The following PATL1 variants were observed in gnomAD, a reference collection of about 807,000 sequenced individuals.
PATL1 encodes the protein PAT1 homolog 1, processing body mRNA decay factor, also known as protein PAT1 homolog 1.
In PATL1, 32 loss-of-function variants were observed where a neutral mutation model predicts 100.6. That is an observed-to-expected ratio of 0.32 (90% CI 0.24 to 0.43). The LOEUF (loss-of-function observed/expected upper bound fraction) is 0.43. Ranked by LOEUF, PATL1 falls within the 20% of genes least tolerant of loss-of-function variation. PATL1 has a pLI of 1.00. For synonymous variants in PATL1, 332 were observed against 330.0 expected (o/e 1.01, Z -0.07); for missense variants, 747 against 949.9 (o/e 0.79, Z 2.81).
intron 18 of PATL1, 112 bp downstream of exon 18, chr11:59,638,936 G>A: frequency 5.8e-6 from 7 of 1,206,954 alleles, no homozygotes; most frequent in Non-Finnish European, 8.1e-6. Flanking sequence ...ACCCTCCTGG[G>A]TGTCCTAAAA....
At chr11:59,660,383 A>T (rs1861611097) in intron 2 of PATL1, among the ~76,000 whole-genome samples, 1 of 152,234 alleles carries the variant, frequency 6.6e-6, no homozygotes, top group South Asian at 2.1e-4. Context: ...TAATGATTAG[A>T]TACTATACCA....
In PATL1 at chr11:59,656,516, G is replaced by C. The variant is rs557109291; in HGVS notation, c.706C>G (p.Gln236Glu). Residue 236 changes from glutamine (Q) to glutamate (E), a missense_variant, in exon 6 of 19, where the codon CAG becomes GAG. Transcript: ENST00000300146. ...TGACATACCGGGACACTGCAGAGCTGGTTTGGAGACATCCTCTCACCATAG... is the reference window on the plus strand; with the variant it reads ...TGACATACCGGGACACTGCAGAGCTCGTTTGGAGACATCCTCTCACCATAG... Reference protein sequence around the residue: ...APYGERMSPNQLCSVPNSSLL... With the variant: ...APYGERMSPNELCSVPNSSLL... 6.2e-7 allele frequency: 1 copy of C among 1,613,826 alleles called. No homozygotes were observed. The highest frequency in any genetic ancestry group is 1.1e-5 in the South Asian group (1 of 91,064).
rs183170297 is a variant in PATL1 at position 59,655,938 on chromosome 11, G to A, written c.813+18C>T. 5 of 1,551,124 alleles carry A rather than the reference G, an allele frequency of 3.2e-6. No individual in the cohort carries two copies. In the East Asian group the frequency reaches 1.2e-4, roughly 36 times the overall value. ...AAGTAGGAGAGTTCTTTATGGGTAG[G>A]GCTAATCACAGGCTTACCTGTGCTC... On this transcript the variant is annotated intron_variant, in intron 7 of 18. Coordinates refer to ENST00000300146, the MANE Select transcript of PATL1 (RefSeq NM_152716.3).
chr11:59,643,868 T>C (rs1268813381), intron 15 of PATL1, among the ~76,000 whole-genome samples: 2 of 152,216 alleles, frequency 1.3e-5, no homozygotes, highest in Non-Finnish European at 2.9e-5. Context: ...CCAAGGCTGT[T>C]GAATTCCAGC....
intron 15 of PATL1, among the ~76,000 whole-genome samples, chr11:59,644,325 T>C (rs1861330706): frequency 6.6e-6 from 1 of 151,900 alleles, no homozygotes; most frequent in African/African-American, 2.4e-5. Flanking sequence ...ATAATTTTTC[T>C]TCATAGACCA....
Position 59,652,451 on chromosome 11 carries a change from A to G in PATL1, c.1426+13T>C. Reference sequence around the variant, plus strand: ...TTCTTTTATTATGGGCATTTTTCTTATGAGGACCTTACCTGGCTTATAGGC... The same window carrying G: ...TTCTTTTATTATGGGCATTTTTCTTGTGAGGACCTTACCTGGCTTATAGGC... On this transcript the variant is annotated intron_variant, in intron 11 of 18. Transcript: ENST00000300146. 1 of 1,595,540 alleles carries G rather than the reference A, an allele frequency of 6.3e-7. No individual in the cohort carries two copies. Among genetic ancestry groups the G allele is most frequent in the African/African-American group, 1.4e-5 (1 of 73,696 alleles).
At chr11:59,661,383 G>A (rs919110524) in intron 2 of PATL1, among the ~76,000 whole-genome samples, 1 of 151,992 alleles carries the variant, frequency 6.6e-6, no homozygotes. Context: ...ACTGCCTCTG[G>A]CCTTTCTTTT....
intron 14 of PATL1, among the ~76,000 whole-genome samples, chr11:59,648,515 TAAAAAAA>T (rs72322672): frequency 4.6e-5 from 6 of 130,188 alleles, no homozygotes; most frequent in Non-Finnish European, 1.7e-5. Context: ...AGCAACAGCT[TAAAAAAA>T]AAAAAAAGAA....
At chr11:59,646,610 A>C (rs1344320211) in intron 15 of PATL1, among the ~76,000 whole-genome samples, 1 of 152,222 alleles carries the variant, frequency 6.6e-6, no homozygotes, top group Non-Finnish European at 1.5e-5. Context: ...TTTCCCTTTC[A>C]TAGCATACCA....
At chr11:59,644,084 A>G (rs1861327129) in intron 15 of PATL1, among the ~76,000 whole-genome samples, 1 of 152,228 alleles carries the variant, frequency 6.6e-6, no homozygotes, top group Admixed American at 6.5e-5. Flanking sequence ...GGTCTACTAT[A>G]AATTAAAAAA....
At position 59,658,781 on chromosome 11, in the gene PATL1, A is replaced by G. The variant is rs1249461641; in HGVS notation, c.426+85T>C. The G allele has an allele frequency of 3.0e-6, 3 of 992,850 alleles. No homozygotes were observed. In the Admixed American group the frequency reaches 7.5e-5, roughly 25 times the overall value. 61.5% of individuals were successfully genotyped at this position (992,850 alleles called of 1,614,324 possible). On this transcript the variant is annotated intron_variant, in intron 4 of 18. Coordinates refer to ENST00000300146, the MANE Select transcript of PATL1 (RefSeq NM_152716.3). ...ATTCTAGCAAATGAAAGACCTATAA[A>G]CCCCTTCAGTAAGGAAAGGATGACG...
intron 2 of PATL1, among the ~76,000 whole-genome samples, chr11:59,662,056 C>CTA (rs1861633029): frequency 6.6e-6 from 1 of 152,056 alleles, no homozygotes; most frequent in Non-Finnish European, 1.5e-5. Context: ...TTAAAATTTG[C>CTA]TATATATATG....
chr11:59,650,127 G>GAAAAAAAAAAAAAAAAAAA (rs755879524), intron 13 of PATL1, among the ~76,000 whole-genome samples: 1 of 61,636 alleles, frequency 1.6e-5, no homozygotes, highest in East Asian at 6.1e-4. Context: ...ATCTCAAAAG[G>GAAAAAAAAAAAAAAAAAAA]AAAAAAAAAA....
rs1372167973 is a variant in PATL1 at position 59,666,936 on chromosome 11, T to C, written c.44A>G (p.Asp15Gly). 1.9e-6 allele frequency: 3 copies of C among 1,550,402 alleles called. No individual in the cohort carries two copies. Among genetic ancestry groups the C allele is most frequent in the Admixed American group, 2.0e-5 (1 of 50,962 alleles). ...ESLEDCPLDE[D>G]EDAFQGLGEE... ...TCCCAGTCCCTGAAATGCATCTTCA[T>C]CTTCATCCAGAGGACAATCCTCCAA... Residue 15 changes from aspartate (D) to glycine (G), a missense_variant, in exon 2 of 19, where the codon GAT (aspartate) becomes GGT (glycine). Physicochemically the swap from Asp to Gly is moderately conservative, Grantham distance 94 (BLOSUM62 -1). Around this residue, in one of 4 missense-constraint regions of PATL1, gnomAD observed 183 missense variants for 221.2 expected, o/e 0.83. Transcript: ENST00000300146.
rs899397626 is a variant in PATL1, at chr11:59,659,502, T to C, written c.128-33A>G. 11 of 1,520,616 alleles carry C rather than the reference T, an allele frequency of 7.2e-6. No homozygotes were observed. In the Admixed American group the frequency reaches 8.5e-5, roughly 12 times the overall value. The allele number at this position is 1,520,616 out of a possible 1,614,324, so 94.2% of individuals were successfully genotyped here. ...ATGACACAGTTCATGTAAGAAATAG[T>C]TCATAGTGGTACAAAAAAGTTTTAC... On this transcript the variant is annotated intron_variant, in intron 2 of 18. Coordinates refer to ENST00000300146, the MANE Select transcript of PATL1 (RefSeq NM_152716.3).
At position 59,666,946 on chromosome 11, in the gene PATL1, G is replaced by A. The variant is rs1371536115; in HGVS notation, c.34C>T (p.Leu12=). Residue 12 remains leucine (L), a synonymous_variant, in exon 2 of 19, where the codon CTG becomes TTG. Coordinates refer to ENST00000300146, the MANE Select transcript of PATL1 (RefSeq NM_152716.3). Reference sequence around the variant, plus strand: ...TGAAATGCATCTTCATCTTCATCCAGAGGACAATCCTCCAAAGACTAAAAA... The same window carrying A: ...TGAAATGCATCTTCATCTTCATCCAAAGGACAATCCTCCAAAGACTAAAAA... ...FRYESLEDCP[L]DEDEDAFQGL... is the part of the protein sequence containing the mutation. 6.5e-7 allele frequency: 1 copy of A among 1,549,624 alleles called. No individual in the cohort carries two copies. The highest frequency in any genetic ancestry group is 2.4e-5 in the East Asian group (1 of 40,844).
intron 16 of PATL1, 123 bp from the exon 17 acceptor site, chr11:59,639,506 T>C: frequency 2.8e-6 from 2 of 712,444 alleles, no homozygotes; most frequent in Admixed American, 2.7e-5. Flanking sequence ...ACTACTGTGC[T>C]TTTCTGTAAA....
chr11:59,669,009 C>G lies in PATL1; in HGVS notation c.-114G>C, dbSNP rs1305052615. ...CCACCGGCTCGCGACCCCTGGCCGC[C>G]GCCGTACGCCGGAGCGTGCGTGGGG... On this transcript the variant is annotated 5_prime_UTR_variant, in exon 1 of 19. Coordinates refer to ENST00000300146, the MANE Select transcript of PATL1 (RefSeq NM_152716.3). The G allele has an allele frequency of 7.6e-6, 2 of 262,800 alleles. No homozygotes were observed. The highest frequency in any genetic ancestry group is 1.5e-5 in the Non-Finnish European group (2 of 135,840). 16.3% of individuals were successfully genotyped at this position (262,800 alleles called of 1,614,324 possible). A position where few individuals can be genotyped will look rare whatever the true frequency, so the allele number is the denominator to read the frequency against.
At chr11:59,643,372 C>T (rs1861314375) in intron 15 of PATL1, among the ~76,000 whole-genome samples, 1 of 151,816 alleles carries the variant, frequency 6.6e-6, no homozygotes, top group African/African-American at 2.4e-5. Context: ...AAACAAATGG[C>T]AAAAGGACAC....
Sources: gnomAD v4.1 joint callset for allele counts (sites outside exome capture counted in the v4.1 genomes callset) on GRCh38, gnomAD v4.1.1 for gene constraint, gnomAD v4.1.1 regional missense constraint, MANE v1.5 for transcripts, NCBI Gene and HGNC (gene_info 2026-07-23, HGNC 2026-07-21) for gene names.